The following KCNIP4 variants were observed in gnomAD, a reference collection of about 807,000 sequenced individuals.
The protein encoded by KCNIP4 is Kv channel-interacting protein 4.
In KCNIP4, 12 loss-of-function variants were observed where a neutral mutation model predicts 34.0. The ratio of observed to expected loss-of-function variants is 0.35; its 90% CI spans 0.23 to 0.57. KCNIP4 has a LOEUF of 0.57. Ranked by LOEUF, KCNIP4 falls within the 20% of genes least tolerant of loss-of-function variation. The probability of loss-of-function intolerance (pLI) is 0.83; values close to 1 mark genes in which losing one functional copy is unlikely to be tolerated. For synonymous variants in KCNIP4, 124 were observed against 102.2 expected, an observed-to-expected ratio of 1.21 and a Z score of -1.29; for missense variants, 238 against 311.7, an observed-to-expected ratio of 0.76 and a Z score of 1.78.
chr4:21,578,296 G>A (rs898418355), intron 1 of KCNIP4, among the ~76,000 whole-genome samples: 14 of 125,818 alleles, frequency 1.1e-4, no homozygotes, highest in Admixed American at 3.0e-4. Flanking sequence ...TTGCGCCACT[G>A]CACTCCAACC....
At chr4:21,499,717 A>T (rs1180636402) in intron 1 of KCNIP4, among the ~76,000 whole-genome samples, 5 of 152,140 alleles carry the variant, frequency 3.3e-5, no homozygotes. Flanking sequence ...ACTATGATGA[A>T]AAAATTTCTT....
intron 1 of KCNIP4, among the ~76,000 whole-genome samples, chr4:21,525,804 T>C (rs748139746): frequency 3.1e-4 from 47 of 152,282 alleles, no homozygotes; most frequent in Admixed American, 6.5e-4. Context: ...AGAAATTCAA[T>C]CTTCAAGTTA....
At chr4:21,777,331 T>A (rs937081398) in intron 1 of KCNIP4, among the ~76,000 whole-genome samples, 1 of 152,200 alleles carries the variant, frequency 6.6e-6, no homozygotes, top group Non-Finnish European at 1.5e-5. Flanking sequence ...CACAAATTTA[T>A]ATTTCTCAGA....
intron 1 of KCNIP4, among the ~76,000 whole-genome samples, chr4:21,710,246 T>A (rs1242709724): frequency 6.6e-6 from 1 of 152,112 alleles, no homozygotes; most frequent in Non-Finnish European, 1.5e-5. Flanking sequence ...TGTCCTTGAG[T>A]GTTTCCTAAG....
At chr4:21,414,669 G>A (rs1213098439) in intron 1 of KCNIP4, among the ~76,000 whole-genome samples, 1 of 152,134 alleles carries the variant, frequency 6.6e-6, no homozygotes, top group African/African-American at 2.4e-5. Context: ...TAGCCAAGAG[G>A]TGAAAACAAT....
chr4:21,647,867 T>A (rs1220429600), intron 1 of KCNIP4, among the ~76,000 whole-genome samples: 3 of 100,204 alleles, frequency 3.0e-5, no homozygotes, highest in Non-Finnish European at 5.4e-5. Context: ...ATGATGCTTT[T>A]TTTTTTTTTT....
intron 1 of KCNIP4, among the ~76,000 whole-genome samples, chr4:20,973,996 G>A (rs376489009): frequency 1.4e-4 from 22 of 152,202 alleles, no homozygotes; most frequent in African/African-American, 5.1e-4. Flanking sequence ...TTGAAATACC[G>A]TAAAAAATTC....
intron 1 of KCNIP4, among the ~76,000 whole-genome samples, chr4:20,965,362 A>G (rs1388494064): frequency 6.6e-6 from 1 of 152,152 alleles, no homozygotes; most frequent in Non-Finnish European, 1.5e-5. Context: ...CCATAAGGAA[A>G]TCTCACCACT....
intron 1 of KCNIP4, among the ~76,000 whole-genome samples, chr4:21,362,067 A>G (rs568808971): frequency 1.3e-5 from 2 of 152,136 alleles, no homozygotes; most frequent in Admixed American, 6.6e-5. Context: ...GCAAGAATGA[A>G]GAGGAGAGGG....
intron 4 of KCNIP4, chr4:20,752,772 AG>A (rs1753875444): frequency 6.6e-6 from 1 of 152,242 alleles, no homozygotes; most frequent in African/African-American, 2.4e-5. Flanking sequence ...GCAAAGGCAA[AG>A]GAATGTCCAG....
At chr4:21,367,535 G>A (rs1719913098) in intron 1 of KCNIP4, among the ~76,000 whole-genome samples, 1 of 131,020 alleles carries the variant, frequency 7.6e-6, no homozygotes, top group African/African-American at 4.3e-5. Context: ...GGCTGGGTCA[G>A]GATATTTATT....
At chr4:21,393,496 C>G (rs1008959901) in intron 1 of KCNIP4, among the ~76,000 whole-genome samples, 7 of 152,142 alleles carry the variant, frequency 4.6e-5, no homozygotes, top group Admixed American at 4.6e-4. Context: ...AGAGACATGG[C>G]AAGAAAGAAA....
At chr4:21,501,736 T>C (rs1733372552) in intron 1 of KCNIP4, among the ~76,000 whole-genome samples, 2 of 82,716 alleles carry the variant, frequency 2.4e-5, no homozygotes, top group South Asian at 7.9e-4. Context: ...GGGCAGTTTA[T>C]ATGTAATACC....
chr4:21,920,263 T>C (rs10006708), intron 1 of KCNIP4, among the ~76,000 whole-genome samples: 38,491 of 152,018 alleles, frequency 0.25, 5,692 homozygotes, highest in East Asian at 0.61. Context: ...AGGTTCCACA[T>C]CCTTGGAACC....
chr4:21,385,210 C>T (rs953157146), intron 1 of KCNIP4, among the ~76,000 whole-genome samples: 3 of 152,072 alleles, frequency 2.0e-5, no homozygotes, highest in Non-Finnish European at 4.4e-5. Context: ...AGAGAGGTGA[C>T]CAATATTGTT....
intron 1 of KCNIP4, among the ~76,000 whole-genome samples, chr4:21,169,660 TTGTGTGTG>T (rs58544791): frequency 1.6e-4 from 22 of 136,294 alleles, no homozygotes; most frequent in South Asian, 5.2e-4. Context: ...TACTTTATAT[TTGTGTGTG>T]TGTGTGTGTG....
intron 3 of KCNIP4, among the ~76,000 whole-genome samples, chr4:20,809,696 T>C (rs1715488410): frequency 6.6e-6 from 1 of 152,240 alleles, no homozygotes; most frequent in Admixed American, 6.5e-5. Flanking sequence ...TATAGGGGTA[T>C]TTGAGTAATA....
chr4:21,397,436 G>T (rs1186262488), intron 1 of KCNIP4, among the ~76,000 whole-genome samples: 1 of 152,162 alleles, frequency 6.6e-6, no homozygotes, highest in Non-Finnish European at 1.5e-5. Context: ...GCTAATGTAT[G>T]CAGGGCTTAA....
intron 1 of KCNIP4, among the ~76,000 whole-genome samples, chr4:21,176,122 T>C (rs1423055184): frequency 1.3e-5 from 2 of 152,228 alleles, no homozygotes; most frequent in Non-Finnish European, 2.9e-5. Context: ...AGCTAAGATT[T>C]TTAGTCAAGT....
Sources: gnomAD v4.1 joint callset for allele counts (sites outside exome capture counted in the v4.1 genomes callset) on GRCh38, gnomAD v4.1.1 for gene constraint, MANE v1.5 for transcripts, NCBI Gene and HGNC (gene_info 2026-07-23, HGNC 2026-07-21) for gene names.